NYNRIN: variants seen among roughly 807,000 people sequenced by gnomAD.
The protein encoded by NYNRIN is protein NYNRIN.
A neutral mutation model predicts 146.6 loss-of-function variants in NYNRIN; 86 were observed. That is an observed-to-expected ratio of 0.59 (90% confidence interval 0.49 to 0.70). NYNRIN has a LOEUF of 0.70. Among genes scored for constraint, NYNRIN ranks in the 30% least tolerant of loss-of-function variants. NYNRIN has a pLI of 0.00. For synonymous variants in NYNRIN, 1,027 were observed against 1,001.3 expected (o/e 1.03, Z -0.48); for missense variants, 2,191 against 2,377.7 (o/e 0.92, Z 1.63).
Position 24,411,427 on chromosome 14 carries a change from G to A in NYNRIN, c.2619G>A (p.Lys873=). 6.2e-7 allele frequency: 1 copy of A among 1,614,018 alleles called. No individual in the cohort carries two copies. The highest frequency in any genetic ancestry group is 8.5e-7 in the Non-Finnish European group (1 of 1,179,884). Residue 873 remains lysine (K), a synonymous_variant, in exon 6 of 9, where the codon AAG becomes AAA. Transcript: ENST00000382554. This position sits in a 1 kb window ranked among gnomAD's most constrained non-coding sequence, Gnocchi z 4.3. ...CACCCTCCCAGCTTGAGAATGGCAA[G>A]AAGATCACCACCTACGATTATAGGT... ...SITPSQLENG[K]KITTYDYRFM...
chr14:24,414,709 C>G lies in NYNRIN; in HGVS notation c.2960C>G (p.Pro987Arg), dbSNP rs373042156. Residue 987 changes from proline to arginine, a missense_variant, in exon 9 of 9, where the codon CCG becomes CGG. This residue lies in a region of NYNRIN where 1,291 missense variants were observed against 1,417.0 expected (regional missense o/e 0.91). Coordinates refer to ENST00000382554, the MANE Select transcript of NYNRIN (RefSeq NM_025081.3). ...DADSGPLESL[P>R]NMEEVREEKE... ...GACTCTGGGCCCCTGGAGAGTCTGCCGAATATGGAAGAAGTCAGGGAAGAG... is the reference window on the plus strand; with the variant it reads ...GACTCTGGGCCCCTGGAGAGTCTGCGGAATATGGAAGAAGTCAGGGAAGAG... 2 of 1,613,218 alleles carry G rather than the reference C, an allele frequency of 1.2e-6. No individual in the cohort carries two copies. The highest frequency in any genetic ancestry group is 2.2e-5 in the South Asian group (2 of 90,986).
chr14:24,408,656 G>T lies in NYNRIN; in HGVS notation c.862G>T (p.Gly288Cys), dbSNP rs994846671. 4 of 1,596,972 alleles carry T rather than the reference G, an allele frequency of 2.5e-6. No homozygotes were observed. The highest frequency in any genetic ancestry group is 8.5e-7 in the Non-Finnish European group (1 of 1,172,440). Residue 288 changes from glycine (G) to cysteine (C), a missense_variant, in exon 4 of 9, where the codon GGT becomes TGT. Physicochemically the swap from Gly to Cys is radical, Grantham distance 159. Around this residue, in one of 3 missense-constraint regions of NYNRIN, gnomAD observed 895 missense variants for 941.2 expected, o/e 0.95. Transcript: ENST00000382554. ...QEAANQLVRV[G>C]SNNQDGMDSA... The stretch of plus-strand genomic sequence containing the variant: ...ATGAACTTGGGCTTCCTCCAGGGTC[G>T]GTTCCAACAACCAAGATGGTATGGA...
intron 2 of NYNRIN, among the ~76,000 whole-genome samples, chr14:24,401,960 C>T (rs1328950572): frequency 6.6e-6 from 1 of 152,160 alleles, no homozygotes; most frequent in Non-Finnish European, 1.5e-5. Context: ...GAATCATGCA[C>T]TTTGTTAGTG....
intron 2 of NYNRIN, among the ~76,000 whole-genome samples, chr14:24,406,090 A>G (rs2042873486): frequency 6.6e-6 from 1 of 151,942 alleles, no homozygotes; most frequent in Admixed American, 6.6e-5. Flanking sequence ...TGAACCTAGG[A>G]GGCGGAGGCT....
chr14:24,416,566 G>A lies in NYNRIN; in HGVS notation c.4817G>A (p.Trp1606Ter), dbSNP rs1172003209. 6.2e-7 allele frequency: 1 copy of A among 1,613,974 alleles called. No homozygotes were observed. ...GAGTTGAAGGTTATTGAGTCCCCAT[G>A]GCCCCTCAGGTCGACCGCCCCCTGG... Reference protein sequence around the residue: ...GSELKVIESPWPLRSTAPWSN... With the variant: ...GSELKVIESP Residue 1606 changes from tryptophan (W) to a stop codon, truncating the protein, a stop_gained, in exon 9 of 9, where the codon TGG becomes TAG. Coordinates refer to ENST00000382554, the MANE Select transcript of NYNRIN (RefSeq NM_025081.3). LOFTEE classifies it high-confidence loss of function.
At position 24,416,998 on chromosome 14, in the gene NYNRIN, C is replaced by T; in HGVS notation, c.5249C>T (p.Ala1750Val). ...SLPLLHLAFR[A>V]SSTDATPFKV... ...CCTTTGCTGCACCTGGCCTTCAGGG[C>T]CTCCTCCACTGATGCCACACCGTTC... is the stretch of plus-strand genomic sequence containing the variant. The change falls in exon 9 of 9, where the codon GCC becomes GTC. Residue 1750 changes from alanine (A) to valine (V), a missense_variant. Ala to Val is a moderately conservative substitution (Grantham distance 64). Transcript: ENST00000382554. The T allele has an allele frequency of 1.9e-6, 3 of 1,587,946 alleles. No individual in the cohort carries two copies. The highest frequency in any genetic ancestry group is 2.6e-6 in the Non-Finnish European group (3 of 1,165,538).
rs753913020 is a variant in NYNRIN, at chr14:24,417,122, A to T, written c.5373A>T (p.Leu1791=). ...GGCTCAAGATGGACGTCTTCCTGCT[A>T]CAGCTGGTGGGGGAGCTGCTGGAGC... ...IEGLKMDVFL[L]QLVGELLELH... Residue 1791 remains leucine (L), a synonymous_variant, in exon 9 of 9, where the codon CTA becomes CTT. Transcript: ENST00000382554. The T allele has an allele frequency of 1.3e-5, 21 of 1,613,780 alleles. No individual in the cohort carries two copies. The East Asian group carries it at 4.7e-4, about 36-fold the overall frequency.
chr14:24,399,132 C>G, intron 1 of NYNRIN, 46 bp downstream of exon 1: 1 of 976,942 alleles, frequency 1.0e-6, no homozygotes, highest in Non-Finnish European at 1.5e-6. Context: ...GGGGGCGCGC[C>G]GCGGGGAGGA....
rs1426090458 is a variant in NYNRIN, at chr14:24,411,649, C to G, written c.2642+199C>G. 6.6e-6 allele frequency among the ~76,000 whole-genome samples: 1 copy of G among 152,194 alleles called. No individual in the cohort carries two copies. The highest frequency in any genetic ancestry group is 2.4e-5 in the African/African-American group (1 of 41,436). ...TTGAGGAAAGGGCTTGAGGTTGGCT[C>G]TCCCCAAGCCCGGAGTTGTTTCTGA... On this transcript the variant is annotated intron_variant, in intron 6 of 8. Transcript: ENST00000382554. This position sits in a 1 kb window ranked among gnomAD's most constrained non-coding sequence, Gnocchi z 4.3.
In NYNRIN at chr14:24,416,242, G is replaced by T; in HGVS notation, c.4493G>T (p.Gly1498Val). 1 of 1,613,960 alleles carries T rather than the reference G, an allele frequency of 6.2e-7. No individual in the cohort carries two copies. The highest frequency in any genetic ancestry group is 8.5e-7 in the Non-Finnish European group (1 of 1,179,886). Reference sequence around the variant, plus strand: ...GACATCATTGCCAGGCTGCAGGCTGGGCAGAAACTGTCTGGCTCCTCACCG... The same window carrying T: ...GACATCATTGCCAGGCTGCAGGCTGTGCAGAAACTGTCTGGCTCCTCACCG... Reference protein sequence around the residue: ...LADIIARLQAGQKLSGSSPFS... With the variant: ...LADIIARLQAVQKLSGSSPFS... The change falls in exon 9 of 9, where the codon GGG becomes GTG. Residue 1498 changes from glycine to valine, a missense_variant. This residue lies in a region of NYNRIN where 1,291 missense variants were observed against 1,417.0 expected (regional missense o/e 0.91). Transcript: ENST00000382554.
intron 2 of NYNRIN, among the ~76,000 whole-genome samples, chr14:24,403,145 A>G (rs1346122423): frequency 6.6e-6 from 1 of 152,230 alleles, no homozygotes; most frequent in East Asian, 1.9e-4. Flanking sequence ...TATGCCTTGC[A>G]CATAGCGTTC....
rs767642326 is a variant in NYNRIN, at chr14:24,415,430, G to A, written c.3681G>A (p.Pro1227=). The stretch of plus-strand genomic sequence containing the variant: ...TTTCCCGCTGCATTGGAGACACCCC[G>A]GTGGTCCTGGACCTTTCCTATGCCT... ...KHFSRCIGDT[P]VVLDLSYASR... is the part of the protein sequence containing the mutation. The change falls in exon 9 of 9, where the codon CCG becomes CCA. Residue 1227 remains proline, a synonymous_variant. Coordinates refer to ENST00000382554, the MANE Select transcript of NYNRIN (RefSeq NM_025081.3). The A allele has an allele frequency of 3.1e-6, 5 of 1,613,820 alleles. No individual in the cohort carries two copies. Among genetic ancestry groups the A allele is most frequent in the African/African-American group, 2.7e-5 (2 of 74,912 alleles).
intron 2 of NYNRIN, among the ~76,000 whole-genome samples, chr14:24,407,192 C>T (rs1386423533): frequency 6.6e-6 from 1 of 152,200 alleles, no homozygotes; most frequent in Non-Finnish European, 1.5e-5. Context: ...GAGCCTCTAG[C>T]TGTGTGCCCT....
intron 7 of NYNRIN, 98 bp downstream of exon 7, chr14:24,413,196 T>A: frequency 7.6e-7 from 1 of 1,319,652 alleles, no homozygotes; most frequent in Non-Finnish European, 1.1e-6. Flanking sequence ...GGCCTTGGAG[T>A]AGTGCCCACC....
chr14:24,417,551 G>A lies in NYNRIN; in HGVS notation c.*105G>A. 7.3e-7 allele frequency: 1 copy of A among 1,364,598 alleles called. No homozygotes were observed. The highest frequency in any genetic ancestry group is 2.6e-5 in the East Asian group (1 of 38,228). The allele number at this position is 1,364,598 out of a possible 1,614,324, so 84.5% of individuals were successfully genotyped here. On this transcript the variant is annotated 3_prime_UTR_variant, in exon 9 of 9. Transcript: ENST00000382554. ...CAGTCCACTGGGGGCCCTCAGTTGT[G>A]CCTTTTGTAGAGAACTTGCTTCATA...
intron 6 of NYNRIN, 133 bp from the exon 7 acceptor site, chr14:24,412,864 G>T: frequency 3.3e-6 from 2 of 611,484 alleles, no homozygotes; most frequent in Non-Finnish European, 5.8e-6. Flanking sequence ...GGGGGTCCTG[G>T]ATTTCTGAGT....
chr14:24,413,805 T>C (rs912281371), intron 8 of NYNRIN, among the ~76,000 whole-genome samples: 2 of 152,234 alleles, frequency 1.3e-5, no homozygotes, highest in Non-Finnish European at 2.9e-5. Flanking sequence ...CCACTTCCAT[T>C]ATATGCTGTT....
At chr14:24,412,332 A>G (rs556693567) in intron 6 of NYNRIN, among the ~76,000 whole-genome samples, 1 of 152,324 alleles carries the variant, frequency 6.6e-6, no homozygotes, top group South Asian at 2.1e-4. Context: ...GGGAGCCCGA[A>G]TGGAAAGTTT....
intron 4 of NYNRIN, among the ~76,000 whole-genome samples, chr14:24,410,581 T>G (rs2042906328): frequency 6.6e-6 from 1 of 152,226 alleles, no homozygotes; most frequent in Non-Finnish European, 1.5e-5. Flanking sequence ...AGCCCAAACT[T>G]CAAGGCCCAG....
Sources: allele counts gnomAD v4.1 joint callset (sites outside exome capture counted in the v4.1 genomes callset), GRCh38; gene constraint gnomAD v4.1.1; regional missense constraint gnomAD v4.1.1; non-coding constraint Gnocchi (gnomAD v3.1); transcripts MANE v1.5; gene names NCBI Gene and HGNC (gene_info 2026-07-23, HGNC 2026-07-21).